Variants in ATF3 observed in about 807,000 individuals in gnomAD.
ATF3 encodes cyclic AMP-dependent transcription factor ATF-3.
Under a neutral mutation model 18.4 loss-of-function variants are expected in ATF3, and 10 were observed. The observed-to-expected ratio is 0.54, with a 90% confidence interval of 0.34 to 0.92. The LOEUF (loss-of-function observed/expected upper bound fraction) is 0.92. Among genes scored for constraint, ATF3 ranks in the 40% least tolerant of loss-of-function variants. The probability of loss-of-function intolerance (pLI) is 0.02; values close to 1 mark genes in which losing one functional copy is unlikely to be tolerated. For missense variants in ATF3, 183 were observed against 222.3 expected, an observed-to-expected ratio of 0.82 and a Z score of 1.12; for synonymous variants, 78 against 87.9, an observed-to-expected ratio of 0.89 and a Z score of 0.63.
rs118159518 is a variant in ATF3 at position 212,569,858 on chromosome 1, T to C, written c.-5+4375T>C. 5.6e-3 allele frequency among the ~76,000 whole-genome samples: 847 copies of C among 152,292 alleles called. 21 individuals carry two copies. The highest frequency in any genetic ancestry group is 0.048 in the Admixed American group (727 of 15,292). On this transcript the variant is annotated intron_variant, in intron 1 of 3. Coordinates refer to the ATF3 transcript ENST00000366981. Reference sequence around the variant, plus strand: ...TATGTTCATGGCAATTCTTATTTACTTTAAATATATTTCCTCAAAAAGAAT... The same window carrying C: ...TATGTTCATGGCAATTCTTATTTACCTTAAATATATTTCCTCAAAAAGAAT...
At chr1:212,597,251 C>T (rs1226106450) in intron 1 of ATF3, among the ~76,000 whole-genome samples, 2 of 151,968 alleles carry the variant, frequency 1.3e-5, no homozygotes, top group Non-Finnish European at 2.9e-5. Flanking sequence ...AAAAAAGGGG[C>T]CCTTAGAAAA....
In ATF3 at chr1:212,618,896, C is replaced by T; in HGVS notation, c.349-462C>T. 1 of 1,035,134 alleles carries T rather than the reference C, an allele frequency of 9.7e-7. No homozygotes were observed. 64.1% of individuals were successfully genotyped at this position (1,035,134 alleles called of 1,614,324 possible). On this transcript the variant is annotated intron_variant, in intron 3 of 3. Coordinates refer to ENST00000341491, the MANE Select transcript of ATF3 (RefSeq NM_001674.4). The surrounding 1 kb of genome is among the most constrained non-coding windows in gnomAD (Gnocchi z 4.4). ...GTCTTAGCCCAAGTCCCACAGATCC[C>T]CAAAAGTTCTGTTGATTGCTTCAGG...
intron 1 of ATF3, among the ~76,000 whole-genome samples, chr1:212,582,033 G>A (rs1664693265): frequency 6.6e-6 from 1 of 152,158 alleles, no homozygotes; most frequent in South Asian, 2.1e-4. Context: ...TGTTTTGTAA[G>A]CCAGTGAAAC....
In ATF3 at chr1:212,618,542, A is replaced by T; in HGVS notation, c.348+308A>T. ...GCAGGACATGCCAGCCCAGTTAAAG[A>T]GGCTTCACTTGACTGTTTTCCTGAG... On this transcript the variant is annotated intron_variant, in intron 3 of 3. Coordinates refer to ENST00000341491, the MANE Select transcript of ATF3 (RefSeq NM_001674.4). This position sits in a 1 kb window ranked among gnomAD's most constrained non-coding sequence, Gnocchi z 4.4. The T allele has an allele frequency of 2.3e-6, 1 of 441,002 alleles. No homozygotes were observed. The highest frequency in any genetic ancestry group is 4.2e-6 in the Non-Finnish European group (1 of 240,804). 27.3% of individuals were successfully genotyped at this position (441,002 alleles called of 1,614,324 possible).
chr1:212,618,989 A>AT lies in ATF3; in HGVS notation c.349-367dup. On this transcript the variant is annotated intron_variant, in intron 3 of 3. Transcript: ENST00000341491. The surrounding 1 kb of genome is among the most constrained non-coding windows in gnomAD (Gnocchi z 4.4). ...TTTTTTCTGGGGAGATGAGCTTCTC[A>AT]TTGAGATCTGTGACTCAGAATCGAC... 4 of 1,608,698 alleles carry AT rather than the reference A, an allele frequency of 2.5e-6. No individual in the cohort carries two copies. Among genetic ancestry groups the AT allele is most frequent in the Non-Finnish European group, 3.4e-6 (4 of 1,175,196 alleles).
At chr1:212,574,865 T>C (rs949689570) in intron 1 of ATF3, among the ~76,000 whole-genome samples, 1 of 152,224 alleles carries the variant, frequency 6.6e-6, no homozygotes, top group South Asian at 2.1e-4. Context: ...CTATTCCCTA[T>C]GCCAGTACTA....
At chr1:212,602,931 A>C (rs1314392847) in intron 1 of ATF3, among the ~76,000 whole-genome samples, 1 of 152,234 alleles carries the variant, frequency 6.6e-6, no homozygotes, top group African/African-American at 2.4e-5. Context: ...TGTTTAATAC[A>C]ACACAATATT....
chr1:212,587,365 G>T (rs1269860498), intron 1 of ATF3, among the ~76,000 whole-genome samples: 1 of 152,178 alleles, frequency 6.6e-6, no homozygotes, highest in Admixed American at 6.5e-5. Context: ...ATTCCTTTAT[G>T]ATATTGTTTC....
intron 1 of ATF3, among the ~76,000 whole-genome samples, chr1:212,583,508 A>G (rs1664723567): frequency 6.6e-6 from 1 of 152,196 alleles, no homozygotes; most frequent in Non-Finnish European, 1.5e-5. Flanking sequence ...GCACTGAGGA[A>G]CTAGTAATTG....
In ATF3 at chr1:212,615,037, C is replaced by G. The variant is rs1655049033; in HGVS notation, c.16C>G (p.Pro6Ala). The change falls in exon 2 of 4, where the codon CCA (proline) becomes GCA (alanine). Residue 6 changes from proline (P) to alanine (A), a missense_variant. Pro to Ala is a conservative substitution (Grantham distance 27). Coordinates refer to ENST00000341491, the MANE Select transcript of ATF3 (RefSeq NM_001674.4). MMLQHPGQVSASEVSA... is the reference protein window; with the variant it reads MMLQHAGQVSASEVSA... ...TTTCAGCAAAATGATGCTTCAACAC[C>G]CAGGCCAGGTCTCTGCCTCGGAAGT... The G allele has an allele frequency of 3.1e-6, 5 of 1,614,186 alleles. No homozygotes were observed. Among genetic ancestry groups the G allele is most frequent in the Non-Finnish European group, 4.2e-6 (5 of 1,180,048 alleles).
intron 1 of ATF3, among the ~76,000 whole-genome samples, chr1:212,571,383 C>A (rs1367780164): frequency 1.3e-5 from 2 of 152,040 alleles, no homozygotes; most frequent in African/African-American, 4.8e-5. Flanking sequence ...CAGAACAATG[C>A]ATTAAATAAT....
chr1:212,581,248 C>T (rs1234372588), intron 1 of ATF3, among the ~76,000 whole-genome samples: 1 of 152,208 alleles, frequency 6.6e-6, no homozygotes, highest in Non-Finnish European at 1.5e-5. Flanking sequence ...CCCTGCAGGG[C>T]TCTTGGAGTT....
chr1:212,598,256 T>C (rs1654372734), intron 1 of ATF3, among the ~76,000 whole-genome samples: 1 of 152,260 alleles, frequency 6.6e-6, no homozygotes, highest in Non-Finnish European at 1.5e-5. Context: ...TTTTGTTGTT[T>C]ATTTATAGCT....
chr1:212,569,430 A>C (rs574006257), intron 1 of ATF3, among the ~76,000 whole-genome samples: 26 of 152,106 alleles, frequency 1.7e-4, no homozygotes, highest in African/African-American at 6.3e-4. Flanking sequence ...TCATTTTTCC[A>C]CTTTTCTAAT....
At chr1:212,591,910 C>T (rs143614489) in intron 1 of ATF3, among the ~76,000 whole-genome samples, 197 of 152,164 alleles carry the variant, frequency 1.3e-3, no homozygotes, top group East Asian at 0.011. Flanking sequence ...CTGCAACCTC[C>T]GCCGGGTGGG....
intron 1 of ATF3, among the ~76,000 whole-genome samples, chr1:212,603,515 C>T (rs1571777802): frequency 6.6e-6 from 1 of 152,152 alleles, no homozygotes; most frequent in Admixed American, 6.5e-5. Context: ...TCTTTAACCC[C>T]ATTTAAGCAT....
chr1:212,596,574 G>A (rs1224181535), intron 1 of ATF3, among the ~76,000 whole-genome samples: 1 of 152,208 alleles, frequency 6.6e-6, no homozygotes, highest in Non-Finnish European at 1.5e-5. Context: ...TACATGTCAG[G>A]ACATGTAACA....
chr1:212,585,073 G>A (rs1231063253), intron 1 of ATF3, among the ~76,000 whole-genome samples: 7 of 152,300 alleles, frequency 4.6e-5, no homozygotes, highest in Admixed American at 4.6e-4. Flanking sequence ...GATAAGATGT[G>A]TTCTGAGTGT....
chr1:212,595,502 C>G (rs767832457), intron 1 of ATF3, among the ~76,000 whole-genome samples: 20 of 152,216 alleles, frequency 1.3e-4, no homozygotes, highest in Non-Finnish European at 2.6e-4. Context: ...CACAGTGGTC[C>G]CTGGCCTGGT....
Sources: gnomAD v4.1 joint callset for allele counts (sites outside exome capture counted in the v4.1 genomes callset) on GRCh38, gnomAD v4.1.1 for gene constraint, Gnocchi (gnomAD v3.1) non-coding constraint, MANE v1.5 for transcripts, NCBI Gene and HGNC (gene_info 2026-07-23, HGNC 2026-07-21) for gene names.